The following GLI3 variants were observed in gnomAD, a reference collection of about 807,000 sequenced individuals.
The protein encoded by GLI3 is GLI family zinc finger 3, also known as transcription activator GLI3.
GLI3 carries 20 observed loss-of-function variants against 100.8 expected under a neutral mutation model. That is an observed-to-expected ratio of 0.20 (90% confidence interval 0.14 to 0.29). The LOEUF (loss-of-function observed/expected upper bound fraction) is 0.29, where lower values mean the gene tolerates loss of function less well. Ranked by LOEUF, GLI3 falls within the 10% of genes least tolerant of loss-of-function variation. The pLI, the probability that GLI3 is intolerant of heterozygous loss-of-function variation, is 1.00. For synonymous variants in GLI3, 938 were observed against 860.5 expected (o/e 1.09, Z -1.58); for missense variants, 2,040 against 2,128.5 (o/e 0.96, Z 0.82).
intron 2 of GLI3, among the ~76,000 whole-genome samples, chr7:42,183,773 T>G (rs150951574): frequency 2.1e-3 from 320 of 152,254 alleles, no homozygotes; most frequent in Non-Finnish European, 2.5e-3. Context: ...TCCATCCACT[T>G]CCCTCCCTCT....
chr7:42,038,878 A>G (rs1784073802), intron 7 of GLI3, among the ~76,000 whole-genome samples: 1 of 152,214 alleles, frequency 6.6e-6, no homozygotes, highest in African/African-American at 2.4e-5. Flanking sequence ...GAACTGATGA[A>G]GTTTCCCTAA....
At chr7:41,974,709 C>A (rs181325152) in intron 12 of GLI3, among the ~76,000 whole-genome samples, 1 of 152,194 alleles carries the variant, frequency 6.6e-6, no homozygotes, top group South Asian at 2.1e-4. Flanking sequence ...GCCCAGCTCA[C>A]GGGATTATCA....
intron 3 of GLI3, among the ~76,000 whole-genome samples, chr7:42,079,891 T>C (rs1784963801): frequency 6.6e-6 from 1 of 152,234 alleles, no homozygotes; most frequent in Admixed American, 6.5e-5. Context: ...ATTTAATATA[T>C]GCCTCATATA....
At chr7:42,112,576 A>G (rs1309134216) in intron 3 of GLI3, among the ~76,000 whole-genome samples, 1 of 152,060 alleles carries the variant, frequency 6.6e-6, no homozygotes, top group Non-Finnish European at 1.5e-5. Context: ...TCAAAACATC[A>G]CTTGTACTTC....
At chr7:42,146,785 AT>A (rs1786721296) in intron 3 of GLI3, among the ~76,000 whole-genome samples, 1 of 152,238 alleles carries the variant, frequency 6.6e-6, no homozygotes, top group Non-Finnish European at 1.5e-5. Context: ...TAAAAATACA[AT>A]GCAGAAAACT....
intron 7 of GLI3, among the ~76,000 whole-genome samples, chr7:42,036,846 T>C (rs1789453820): frequency 1.3e-5 from 2 of 152,210 alleles, no homozygotes; most frequent in East Asian, 1.9e-4. Flanking sequence ...GGCTTATGTG[T>C]AAAACAAGAA....
chr7:42,005,683 G>A (rs1788441261), intron 10 of GLI3, among the ~76,000 whole-genome samples: 1 of 152,116 alleles, frequency 6.6e-6, no homozygotes, highest in South Asian at 2.1e-4. Context: ...CTCTGCTGCA[G>A]CATTAACCAC....
In GLI3 at chr7:41,964,711, G is replaced by A. The variant is rs2128704916; in HGVS notation, c.4362C>T (p.Asp1454=). 1 of 1,614,176 alleles carries A rather than the reference G, an allele frequency of 6.2e-7. No homozygotes were observed. The highest frequency in any genetic ancestry group is 1.7e-4 in the Middle Eastern group (1 of 6,060). Residue 1454 remains aspartate, a synonymous_variant, in exon 15 of 15, where the codon GAC becomes GAT. Coordinates refer to ENST00000395925, the MANE Select transcript of GLI3 (RefSeq NM_000168.6). ...YDQTVGFSQQ[D]TKAGSFSISD... is the part of the protein sequence containing the mutation. ...AAATAGAGAATGAACCAGCTTTCGT[G>A]TCTTGCTGACTGAAGCCCACGGTTT... is the stretch of plus-strand genomic sequence containing the variant.
chr7:41,979,806 G>A (rs575043370), intron 10 of GLI3, among the ~76,000 whole-genome samples: 2 of 152,178 alleles, frequency 1.3e-5, no homozygotes, highest in African/African-American at 4.8e-5. Context: ...AAAAAACTTC[G>A]TTCAATAAGA....
At chr7:42,159,490 T>C (rs1040914103) in intron 2 of GLI3, among the ~76,000 whole-genome samples, 1 of 152,200 alleles carries the variant, frequency 6.6e-6, no homozygotes, top group Non-Finnish European at 1.5e-5. Flanking sequence ...CAACTAAAGA[T>C]GATTATCGAA....
At chr7:42,067,712 C>T (rs1310614274) in intron 4 of GLI3, among the ~76,000 whole-genome samples, 1 of 152,052 alleles carries the variant, frequency 6.6e-6, no homozygotes, top group African/African-American at 2.4e-5. Flanking sequence ...GCACAGGGCT[C>T]CTTAGGAACA....
intron 7 of GLI3, among the ~76,000 whole-genome samples, chr7:42,030,972 GC>G (rs1789277179): frequency 6.6e-6 from 1 of 151,818 alleles, no homozygotes; most frequent in Non-Finnish European, 1.5e-5. Context: ...GGCCGCCTCG[GC>G]CTCCCAAGGT....
At chr7:42,170,397 CTTTTTTTTTT>C (rs1185274818) in intron 2 of GLI3, among the ~76,000 whole-genome samples, 12 of 81,064 alleles carry the variant, frequency 1.5e-4, no homozygotes, top group African/African-American at 5.6e-4. Context: ...ACTTACTGAT[CTTTTTTTTTT>C]TTTTTTTTTT....
At chr7:42,236,467 G>T (rs906907897) in intron 1 of GLI3, among the ~76,000 whole-genome samples, 9 of 151,968 alleles carry the variant, frequency 5.9e-5, no homozygotes, top group African/African-American at 2.2e-4. Context: ...AGCATAGCCC[G>T]GGCTGGAGAA....
Position 41,965,973 on chromosome 7 carries a change from C to T in GLI3, c.3100G>A (p.Ala1034Thr), listed in dbSNP as rs541216784. Residue 1034 changes from alanine (A) to threonine (T), a missense_variant, in exon 15 of 15, where the codon GCG becomes ACG. Physicochemically the swap from Ala to Thr is moderately conservative, Grantham distance 58. Around this residue, in one of 5 missense-constraint regions of GLI3, gnomAD observed 1,041 missense variants for 924.0 expected, o/e 1.13. Transcript: ENST00000395925. The part of the protein sequence containing the change: ...FSSLSSCNPP[A>T]MATSAEKRSL... ...CGCTTCTCCGCGGACGTGGCCATCGCCGGGGGGTTGCAGCTGCTGAGGCTG... is the reference window on the plus strand; with the variant it reads ...CGCTTCTCCGCGGACGTGGCCATCGTCGGGGGGTTGCAGCTGCTGAGGCTG... 3.7e-6 allele frequency: 6 copies of T among 1,608,014 alleles called. No homozygotes were observed. The African/African-American group carries it at 4.0e-5, about 11-fold the overall frequency.
intron 10 of GLI3, among the ~76,000 whole-genome samples, chr7:42,016,532 AC>A (rs780600651): frequency 1.3e-5 from 2 of 152,030 alleles, no homozygotes; most frequent in Non-Finnish European, 2.9e-5. Flanking sequence ...TAATTCCCTC[AC>A]CGTTTTATGT....
intron 3 of GLI3, among the ~76,000 whole-genome samples, chr7:42,083,625 C>G (rs76766072): frequency 1.6e-3 from 246 of 152,194 alleles, no homozygotes; most frequent in South Asian, 3.7e-3. Context: ...AAACCCTATT[C>G]CAGTGTACCA....
At chr7:42,148,135 G>GCACACACACACACA (rs34148485) in intron 3 of GLI3, 91 bp downstream of exon 3, 1 of 866,616 alleles carries the variant, frequency 1.2e-6, no homozygotes, top group Non-Finnish European at 1.7e-6. Context: ...CATAAAGCGC[G>GCACACACACACACA]CACACACACA....
At chr7:42,010,109 C>T (rs1424576117) in intron 10 of GLI3, among the ~76,000 whole-genome samples, 1 of 152,236 alleles carries the variant, frequency 6.6e-6, no homozygotes, top group Non-Finnish European at 1.5e-5. Flanking sequence ...TGATCCTCAA[C>T]TGACTTGCAG....
Sources: gnomAD v4.1 joint callset for allele counts (sites outside exome capture counted in the v4.1 genomes callset) on GRCh38, gnomAD v4.1.1 for gene constraint, gnomAD v4.1.1 regional missense constraint, MANE v1.5 for transcripts, NCBI Gene and HGNC (gene_info 2026-07-23, HGNC 2026-07-21) for gene names.